Variants in EYS observed in about 807,000 individuals in gnomAD.
EYS encodes the protein EGF-like photoreceptor maintenance factor.
EYS carries 250 observed loss-of-function variants against 282.1 expected under a neutral mutation model. The ratio of observed to expected loss-of-function variants is 0.89; its 90% CI spans 0.80 to 0.98. EYS has a LOEUF of 0.98. EYS is among the 50% of genes least tolerant of loss of function. The probability of loss-of-function intolerance (pLI) is 0.00; values close to 1 mark genes in which losing one functional copy is unlikely to be tolerated. For missense variants in EYS, 4,016 were observed against 3,709.0 expected, an observed-to-expected ratio of 1.08 and a Z score of -2.15; for synonymous variants, 1,355 against 1,282.9, an observed-to-expected ratio of 1.06 and a Z score of -1.20.
chr6:64,280,793 G>A (rs1391014462), intron 30 of EYS, among the ~76,000 whole-genome samples: 2 of 152,106 alleles, frequency 1.3e-5, no homozygotes, highest in Non-Finnish European at 2.9e-5. Context: ...CTGTGCATCA[G>A]GTTTGGTTTA....
At chr6:65,053,267 A>C (rs1773325544) in intron 13 of EYS, among the ~76,000 whole-genome samples, 1 of 151,776 alleles carries the variant, frequency 6.6e-6, no homozygotes, top group African/African-American at 2.4e-5. Context: ...AAAAACACTC[A>C]AATTCTCAGA....
At chr6:65,557,435 C>T (rs1194533182) in intron 2 of EYS, among the ~76,000 whole-genome samples, 1 of 152,182 alleles carries the variant, frequency 6.6e-6, no homozygotes. Context: ...AAAGCTGGAC[C>T]AGACATACAA....
In EYS at chr6:64,960,814, C is replaced by T. The variant is rs549622752; in HGVS notation, c.2260-14900G>A. Among the ~76,000 whole-genome samples the T allele has an allele frequency of 9.9e-5, 15 of 152,222 alleles. 1 individual carries two copies. The highest frequency in any genetic ancestry group is 4.1e-4 in the South Asian group (2 of 4,830). On this transcript the variant is annotated intron_variant, in intron 14 of 42. Coordinates refer to ENST00000503581, the MANE Select transcript of EYS (RefSeq NM_001142800.2). ...CTCCCTACTCCCTACTGCCACCCAC[C>T]ACCCTCTGATGGTCCCCAATGTGTG...
At chr6:64,460,953 G>A (rs1372586055) in intron 26 of EYS, among the ~76,000 whole-genome samples, 1 of 152,056 alleles carries the variant, frequency 6.6e-6, no homozygotes, top group East Asian at 1.9e-4. Flanking sequence ...CAAAATTTGG[G>A]GATATAGGTA....
chr6:64,870,641 T>A (rs1232285600), intron 19 of EYS, among the ~76,000 whole-genome samples: 1 of 151,684 alleles, frequency 6.6e-6, no homozygotes, highest in Non-Finnish European at 1.5e-5. Context: ...ACAACAATTT[T>A]AAAATAATTT....
At chr6:63,774,018 T>G (rs555813255) in intron 40 of EYS, among the ~76,000 whole-genome samples, 11 of 152,344 alleles carry the variant, frequency 7.2e-5, no homozygotes, top group Non-Finnish European at 1.6e-4. Flanking sequence ...CTGATAGATT[T>G]ATGTTGTAAA....
chr6:65,657,635 G>C (rs755389230), intron 1 of EYS, among the ~76,000 whole-genome samples: 1 of 151,822 alleles, frequency 6.6e-6, no homozygotes, highest in Non-Finnish European at 1.5e-5. Flanking sequence ...AAATAACGTG[G>C]TTTCTTGAGA....
chr6:64,600,557 A>G (rs1299027469), intron 24 of EYS, among the ~76,000 whole-genome samples: 1 of 152,070 alleles, frequency 6.6e-6, no homozygotes, highest in African/African-American at 2.4e-5. Context: ...TTTTAAAAAG[A>G]TTTTTCCACA....
At chr6:64,619,513 G>C (rs1266072344) in intron 23 of EYS, among the ~76,000 whole-genome samples, 4 of 151,936 alleles carry the variant, frequency 2.6e-5, no homozygotes, top group Admixed American at 1.3e-4. Context: ...GTTTGGGTGG[G>C]TGGGAATTTG....
chr6:65,450,175 C>T lies in EYS; in HGVS notation c.862+40419G>A, dbSNP rs140017948. Reference sequence around the variant, plus strand: ...TGTTGGGTTCTGGCTTGTGTGATTACTGTCATCAGAATCCTAGCCTATTCA... The same window carrying T: ...TGTTGGGTTCTGGCTTGTGTGATTATTGTCATCAGAATCCTAGCCTATTCA... On this transcript the variant is annotated intron_variant, in intron 5 of 42. Coordinates refer to ENST00000503581, the MANE Select transcript of EYS (RefSeq NM_001142800.2). Among the ~76,000 whole-genome samples, 924 of 152,202 alleles carry T rather than the reference C, an allele frequency of 6.1e-3. 16 individuals are homozygous for T. Among genetic ancestry groups the T allele is most frequent in the South Asian group, 0.039 (187 of 4,830 alleles).
chr6:65,126,559 G>C (rs567384770), intron 12 of EYS, among the ~76,000 whole-genome samples: 18 of 152,204 alleles, frequency 1.2e-4, no homozygotes, highest in South Asian at 2.1e-4. Context: ...GAGGCAGAAG[G>C]CATTATTAAA....
chr6:64,304,144 G>C (rs940379707), intron 30 of EYS, among the ~76,000 whole-genome samples: 7 of 152,136 alleles, frequency 4.6e-5, no homozygotes, highest in Middle Eastern at 3.2e-3. Flanking sequence ...GGCCGATGCT[G>C]CAGACTCTGA....
intron 22 of EYS, among the ~76,000 whole-genome samples, chr6:64,752,960 G>T (rs1488531328): frequency 6.6e-6 from 1 of 151,714 alleles, no homozygotes; most frequent in Non-Finnish European, 1.5e-5. Flanking sequence ...AGTCTTAAAG[G>T]GAAAAAAACT....
Position 64,009,488 on chromosome 6 carries a change from G to A in EYS, c.6726-10305C>T, listed in dbSNP as rs181676458. On this transcript the variant is annotated intron_variant, in intron 33 of 42. Coordinates refer to ENST00000503581, the MANE Select transcript of EYS (RefSeq NM_001142800.2). ...TTCAGTAGAGATGGGGTTTCACCGG[G>A]TTAGCCAGGATGGTCTCAATCTCTT... Among the ~76,000 whole-genome samples, 227 of 152,126 alleles carry A rather than the reference G, an allele frequency of 1.5e-3. 1 individual carries two copies. The highest frequency in any genetic ancestry group is 4.4e-3 in the African/African-American group (184 of 41,500).
intron 22 of EYS, among the ~76,000 whole-genome samples, chr6:64,634,987 CTT>C (rs1767923326): frequency 6.6e-6 from 1 of 152,034 alleles, no homozygotes; most frequent in Non-Finnish European, 1.5e-5. Context: ...TTTGTATCCT[CTT>C]TTATTTCATT....
At chr6:64,196,420 T>C (rs1765288453) in intron 31 of EYS, among the ~76,000 whole-genome samples, 1 of 152,206 alleles carries the variant, frequency 6.6e-6, no homozygotes, top group Admixed American at 6.5e-5. Flanking sequence ...TTATAAATCA[T>C]GCTGCTATAA....
At chr6:65,381,839 T>C (rs1765624761) in intron 8 of EYS, among the ~76,000 whole-genome samples, 1 of 152,052 alleles carries the variant, frequency 6.6e-6, no homozygotes, top group Admixed American at 6.6e-5. Context: ...TATTAATTTC[T>C]TAATTTTAAG....
At chr6:64,762,760 T>C (rs1313788104) in intron 22 of EYS, among the ~76,000 whole-genome samples, 1 of 152,162 alleles carries the variant, frequency 6.6e-6, no homozygotes, top group Non-Finnish European at 1.5e-5. Flanking sequence ...ATTTGGTATT[T>C]GGGTCTTTTT....
intron 12 of EYS, among the ~76,000 whole-genome samples, chr6:65,120,011 G>T (rs1418505380): frequency 6.6e-6 from 1 of 151,476 alleles, no homozygotes; most frequent in African/African-American, 2.4e-5. Flanking sequence ...TAGCCGCCGG[G>T]CGGGGTGGCG....
Sources: gnomAD v4.1 joint callset for allele counts (sites outside exome capture counted in the v4.1 genomes callset) on GRCh38, gnomAD v4.1.1 for gene constraint, MANE v1.5 for transcripts, NCBI Gene and HGNC (gene_info 2026-07-23, HGNC 2026-07-21) for gene names.